The following MYMX variants were observed in gnomAD, a reference collection of about 807,000 sequenced individuals.
The protein encoded by MYMX is myomixer, myoblast fusion factor.
At chr6:44,195,323 T>G in the MYMX span, among the ~76,000 whole-genome samples, 2 of 152,074 alleles carry the variant, frequency 1.3e-5, no homozygotes, top group Admixed American at 1.3e-4. Flanking sequence ...CTGGCCACTT[T>G]CTTTCTTTTT....
the MYMX span, among the ~76,000 whole-genome samples, chr6:44,202,806 C>T: frequency 6.6e-6 from 1 of 152,182 alleles, no homozygotes; most frequent in African/African-American, 2.4e-5. Flanking sequence ...GAGCCAGCCA[C>T]TGCCCCTCCC....
the MYMX span, among the ~76,000 whole-genome samples, chr6:44,206,511 C>T: frequency 0.027 from 4,036 of 152,286 alleles, 85 homozygotes; most frequent in Non-Finnish European, 0.042. Context: ...GGGCTACAGG[C>T]GTGAGCCACT....
the MYMX span, among the ~76,000 whole-genome samples, chr6:44,203,783 A>G: frequency 2.0e-5 from 3 of 152,168 alleles, no homozygotes; most frequent in African/African-American, 4.8e-5. Context: ...ACTGGGCCAC[A>G]ACAAAATTGT....
At chr6:44,201,763 C>T in the MYMX span, among the ~76,000 whole-genome samples, 1 of 152,202 alleles carries the variant, frequency 6.6e-6, no homozygotes, top group Non-Finnish European at 1.5e-5. Context: ...TCACATTCTC[C>T]TCATCTCTTT....
rs1206977409 is a variant in MYMX at position 44,217,827 on chromosome 6, G to A, written c.*101G>A. 2.5e-6 allele frequency: 1 copy of A among 399,952 alleles called. No individual in the cohort carries two copies. The highest frequency in any genetic ancestry group is 4.4e-6 in the Non-Finnish European group (1 of 226,252). 24.8% of individuals were successfully genotyped at this position (399,952 alleles called of 1,614,324 possible). On this transcript the variant is annotated 3_prime_UTR_variant, in exon 2 of 2. Coordinates refer to ENST00000573382, the MANE Select transcript of MYMX (RefSeq NM_001315494.2). ...ACCGAAGCCTGCCCAGTGGACAGAA[G>A]ATATAGTGAGGGTTGTGCATGAGAG...
chr6:44,205,047 CG>C, the MYMX span, among the ~76,000 whole-genome samples: 1 of 151,902 alleles, frequency 6.6e-6, no homozygotes, highest in Non-Finnish European at 1.5e-5. Flanking sequence ...ATTTGGCCAA[CG>C]GGTGAGCATG....
At chr6:44,194,758 G>C in the MYMX span, among the ~76,000 whole-genome samples, 1 of 152,142 alleles carries the variant, frequency 6.6e-6, no homozygotes, top group African/African-American at 2.4e-5. Flanking sequence ...TCGACTTCTG[G>C]GGAGCCAGAA....
At chr6:44,214,139 T>C (rs1430354354), upstream of MYMX, among the ~76,000 whole-genome samples, 2 of 152,216 alleles carry the variant, frequency 1.3e-5, no homozygotes, top group East Asian at 3.8e-4. Context: ...TCAGCTCATG[T>C]TTTATAAGCA....
upstream of MYMX, among the ~76,000 whole-genome samples, chr6:44,214,666 G>A (rs570396069): frequency 1.3e-5 from 2 of 152,266 alleles, no homozygotes; most frequent in East Asian, 1.9e-4. Context: ...TCTGTCTCCC[G>A]GGTTCAAGCA....
the MYMX span, among the ~76,000 whole-genome samples, chr6:44,205,263 G>A: frequency 6.6e-6 from 1 of 152,024 alleles, no homozygotes; most frequent in South Asian, 2.1e-4. Flanking sequence ...TTAGTCTTGC[G>A]GGCAACCCCC....
At chr6:44,210,329 C>T in the MYMX span, among the ~76,000 whole-genome samples, 13 of 152,048 alleles carry the variant, frequency 8.5e-5, no homozygotes, top group East Asian at 1.9e-4. Context: ...TCCTCTATCA[C>T]CCAGGCTGGA....
At chr6:44,204,008 C>T in the MYMX span, among the ~76,000 whole-genome samples, 4 of 151,990 alleles carry the variant, frequency 2.6e-5, no homozygotes, top group African/African-American at 9.7e-5. Flanking sequence ...TCGCCATGCC[C>T]GGCTAATTTT....
chr6:44,204,358 C>T, the MYMX span, among the ~76,000 whole-genome samples: 7 of 152,230 alleles, frequency 4.6e-5, no homozygotes, highest in Middle Eastern at 3.4e-3. Context: ...GATGAAGCCA[C>T]GTAGATTTCT....
the MYMX span, among the ~76,000 whole-genome samples, chr6:44,208,750 T>G: frequency 6.6e-6 from 1 of 152,190 alleles, no homozygotes; most frequent in Non-Finnish European, 1.5e-5. Flanking sequence ...ACTTTGCTGT[T>G]CCTTAAGGCT....
chr6:44,217,987 C>G lies in MYMX; in HGVS notation c.*261C>G, dbSNP rs1775974111. On this transcript the variant is annotated 3_prime_UTR_variant, in exon 2 of 2. Coordinates refer to ENST00000573382, the MANE Select transcript of MYMX (RefSeq NM_001315494.2). ...TCCCAAAGACCACTCCTAATCACCT[C>G]TGGCCTCAGGCGGGAGGGGAACTAA... 3.0e-6 allele frequency: 1 copy of G among 335,570 alleles called. No individual in the cohort carries two copies. Among genetic ancestry groups the G allele is most frequent in the African/African-American group, 2.1e-5 (1 of 47,360 alleles). 20.8% of individuals were successfully genotyped at this position (335,570 alleles called of 1,614,324 possible).
chr6:44,213,195 C>T (rs1168237449), upstream of MYMX, among the ~76,000 whole-genome samples: 1 of 151,616 alleles, frequency 6.6e-6, no homozygotes, highest in African/African-American at 2.4e-5. Context: ...ACCATTCTGG[C>T]CAACATGATG....
At chr6:44,193,019 G>A in the MYMX span, among the ~76,000 whole-genome samples, 3 of 152,094 alleles carry the variant, frequency 2.0e-5, no homozygotes, top group East Asian at 1.9e-4. Context: ...TGCCCCAGCT[G>A]GAATTGGAAC....
chr6:44,196,099 T>C, the MYMX span, among the ~76,000 whole-genome samples: 1 of 152,068 alleles, frequency 6.6e-6, no homozygotes, highest in African/African-American at 2.4e-5. Flanking sequence ...CCTGCCACCA[T>C]ATCCAACTAA....
the MYMX span, among the ~76,000 whole-genome samples, chr6:44,201,977 C>T: frequency 3.4e-5 from 5 of 147,536 alleles, no homozygotes; most frequent in Non-Finnish European, 6.1e-5. Context: ...GCCAACTTCA[C>T]GAGCTGGGAC....
Sources: gnomAD v4.1 joint callset for allele counts (sites outside exome capture counted in the v4.1 genomes callset) on GRCh38, gnomAD v4.1.1 for gene constraint, MANE v1.5 for transcripts, NCBI Gene and HGNC (gene_info 2026-07-23, HGNC 2026-07-21) for gene names.